Variants in DOCK3 observed in about 807,000 individuals in gnomAD.
The protein encoded by DOCK3 is dedicator of cytokinesis protein 3.
In DOCK3, 60 loss-of-function variants were observed where a neutral mutation model predicts 265.6. That is an observed-to-expected ratio of 0.23 (90% CI 0.18 to 0.28). The LOEUF is 0.28. Among genes scored for constraint, DOCK3 ranks in the 10% least tolerant of loss-of-function variants. The probability of loss-of-function intolerance (pLI) is 1.00; values close to 1 mark genes in which losing one functional copy is unlikely to be tolerated. For missense variants in DOCK3, 1,981 were observed against 2,594.3 expected, an observed-to-expected ratio of 0.76 and a Z score of 5.14; for synonymous variants, 881 against 938.0, an observed-to-expected ratio of 0.94 and a Z score of 1.11.
chr3:51,125,488 C>A (rs1267441751), intron 9 of DOCK3, among the ~76,000 whole-genome samples: 1 of 152,128 alleles, frequency 6.6e-6, no homozygotes, highest in African/African-American at 2.4e-5. Context: ...TCAGGATTCC[C>A]TCATTTTGGA....
chr3:50,897,668 T>G (rs1172046559), intron 4 of DOCK3, among the ~76,000 whole-genome samples: 5 of 150,890 alleles, frequency 3.3e-5, no homozygotes, highest in Non-Finnish European at 7.4e-5. Flanking sequence ...TATAGTTTAT[T>G]GAGTGTTTTT....
chr3:50,783,869 A>AT (rs71631077), intron 2 of DOCK3, among the ~76,000 whole-genome samples: 15,493 of 134,378 alleles, frequency 0.12, 982 homozygotes, highest in Non-Finnish European at 0.14. Context: ...TCTTGAGTTG[A>AT]TTTTTTTTTT....
intron 9 of DOCK3, among the ~76,000 whole-genome samples, chr3:51,094,134 T>A (rs560027882): frequency 6.6e-6 from 1 of 152,258 alleles, no homozygotes; most frequent in Admixed American, 6.5e-5. Context: ...AATTTTCTTT[T>A]TTTGTTGTGT....
chr3:51,144,180 T>C (rs2085192397), intron 9 of DOCK3, among the ~76,000 whole-genome samples: 1 of 152,188 alleles, frequency 6.6e-6, no homozygotes, highest in Admixed American at 6.5e-5. Context: ...TAACAAAGAC[T>C]CCCTCAACCC....
intron 3 of DOCK3, among the ~76,000 whole-genome samples, chr3:50,883,362 A>G (rs1317724887): frequency 6.6e-6 from 1 of 152,198 alleles, no homozygotes. Flanking sequence ...TGCTTCAACC[A>G]TCAAACCTAA....
chr3:50,874,054 T>C (rs1480576389), intron 3 of DOCK3, among the ~76,000 whole-genome samples: 1 of 140,348 alleles, frequency 7.1e-6, no homozygotes, highest in Non-Finnish European at 1.5e-5. Flanking sequence ...TTTTTTTTTT[T>C]TCTTTTCTTT....
chr3:50,966,879 C>T (rs1359147840), intron 5 of DOCK3, among the ~76,000 whole-genome samples: 3 of 152,032 alleles, frequency 2.0e-5, no homozygotes, highest in South Asian at 2.1e-4. Flanking sequence ...TAGAATCAAA[C>T]ATTTATAATG....
At chr3:51,290,548 GA>G (rs1197650062) in intron 27 of DOCK3, among the ~76,000 whole-genome samples, 1 of 152,052 alleles carries the variant, frequency 6.6e-6, no homozygotes, top group East Asian at 1.9e-4. Flanking sequence ...GGTTGGGGGA[GA>G]GGGGAGGGAT....
chr3:50,896,741 T>C (rs1575472611), intron 4 of DOCK3, among the ~76,000 whole-genome samples: 1 of 152,214 alleles, frequency 6.6e-6, no homozygotes. Flanking sequence ...ATTTATTAAG[T>C]AGGCAATCAT....
chr3:51,307,891 GT>G (rs1434914326), intron 27 of DOCK3, among the ~76,000 whole-genome samples: 1 of 136,090 alleles, frequency 7.3e-6, no homozygotes, highest in Admixed American at 7.4e-5. Flanking sequence ...TTTTTTTTTT[GT>G]TTTTTTTTTC....
intron 5 of DOCK3, among the ~76,000 whole-genome samples, chr3:51,038,321 A>G (rs1268105679): frequency 6.6e-6 from 1 of 152,174 alleles, no homozygotes; most frequent in African/African-American, 2.4e-5. Flanking sequence ...AATAGAATTT[A>G]AGATTGGGTG....
intron 14 of DOCK3, among the ~76,000 whole-genome samples, chr3:51,216,353 A>G (rs1187709578): frequency 2.0e-5 from 3 of 152,202 alleles, no homozygotes; most frequent in Non-Finnish European, 1.5e-5. Context: ...GACTCTGGAA[A>G]TATGTAATTT....
intron 35 of DOCK3, among the ~76,000 whole-genome samples, chr3:51,333,663 A>C (rs985313801): frequency 6.6e-6 from 1 of 152,168 alleles, no homozygotes; most frequent in Non-Finnish European, 1.5e-5. Flanking sequence ...TGAGCAGAGA[A>C]GTATCACCTG....
At position 51,236,397 on chromosome 3, in the gene DOCK3, A is replaced by G. The variant is rs750235493; in HGVS notation, c.1970A>G (p.Glu657Gly). 1.2e-6 allele frequency: 2 copies of G among 1,612,634 alleles called. No homozygotes were observed. Among genetic ancestry groups the G allele is most frequent in the Admixed American group, 1.7e-5 (1 of 59,680 alleles). ...TLFVILDDNT[E>G]KYGLLVFQSL... is the part of the protein sequence containing the mutation. ...TTTGTGATTTTGGATGATAATACAG[A>G]GAAGTACGGCCTGTTGGTTTTTCAG... The change falls in exon 20 of 53, where the codon GAG becomes GGG. Residue 657 changes from glutamate (E) to glycine (G), a missense_variant. Coordinates refer to ENST00000266037, the MANE Select transcript of DOCK3 (RefSeq NM_004947.5).
At chr3:50,800,859 A>G (rs568717497) in intron 2 of DOCK3, among the ~76,000 whole-genome samples, 6 of 152,054 alleles carry the variant, frequency 3.9e-5, no homozygotes, top group Middle Eastern at 6.8e-3. Context: ...TTGGGATCTT[A>G]CGATTCTATT....
chr3:50,924,566 A>T (rs1352116433), intron 4 of DOCK3, among the ~76,000 whole-genome samples: 1 of 152,250 alleles, frequency 6.6e-6, no homozygotes, highest in Non-Finnish European at 1.5e-5. Flanking sequence ...GAAATGAAGC[A>T]GCCAGGGAAA....
At chr3:50,904,801 T>C in intron 4 of DOCK3, among the ~76,000 whole-genome samples, 1 of 152,198 alleles carries the variant, frequency 6.6e-6, no homozygotes, top group South Asian at 2.1e-4. Context: ...TGTCTATTTT[T>C]GCTTTTGTTG....
intron 2 of DOCK3, among the ~76,000 whole-genome samples, chr3:50,797,962 A>T (rs1219883773): frequency 6.6e-6 from 1 of 152,238 alleles, no homozygotes; most frequent in Non-Finnish European, 1.5e-5. Context: ...GCAGTCAGAG[A>T]ATTAGGCAAA....
At chr3:51,236,261 T>C (rs770939076) in intron 19 of DOCK3, 84 bp from the exon 20 acceptor site, 6 of 1,039,108 alleles carry the variant, frequency 5.8e-6, no homozygotes, top group Non-Finnish European at 8.9e-6. Flanking sequence ...CACTTTTTTA[T>C]TGGAAGTTAA....
Sources: allele counts gnomAD v4.1 joint callset (sites outside exome capture counted in the v4.1 genomes callset), GRCh38; gene constraint gnomAD v4.1.1; transcripts MANE v1.5; gene names NCBI Gene and HGNC (gene_info 2026-07-23, HGNC 2026-07-21).